Variants in HACE1 observed in about 807,000 individuals in gnomAD.
HACE1 encodes HECT domain and ankyrin repeat containing E3 ubiquitin protein ligase 1, also known as E3 ubiquitin-protein ligase HACE1.
HACE1 carries 73 observed loss-of-function variants against 118.4 expected under a neutral mutation model. The ratio of observed to expected loss-of-function variants is 0.62; its 90% CI spans 0.51 to 0.75. HACE1 has a LOEUF of 0.75. HACE1 is among the 30% of genes least tolerant of loss of function. HACE1 has a pLI of 0.00. For synonymous variants in HACE1, 368 were observed against 374.8 expected (o/e 0.98, Z 0.21); for missense variants, 749 against 1,102.2 (o/e 0.68, Z 4.54).
In HACE1 at chr6:104,734,998, T is replaced by C. The variant is rs138558454; in HGVS notation, c.2514-4582A>G. 2.5e-3 allele frequency among the ~76,000 whole-genome samples: 374 copies of C among 152,106 alleles called. 1 individual carries two copies. The highest frequency in any genetic ancestry group is 8.7e-3 in the African/African-American group (362 of 41,510). ...GGTCCGGATGGTTTAAAAATTGGAA[T>C]GTAAAAACAGAAATTATAAAAACTT... On this transcript the variant is annotated intron_variant, in intron 22 of 23. Coordinates refer to ENST00000262903, the MANE Select transcript of HACE1 (RefSeq NM_020771.4).
intron 3 of HACE1, 137 bp from the exon 4 acceptor site, chr6:104,849,383 C>T: frequency 1.4e-6 from 1 of 696,162 alleles, no homozygotes; most frequent in South Asian, 1.5e-5. Context: ...GTCGCCCATG[C>T]TGGAGTGCAG....
Position 104,815,436 on chromosome 6 carries a change from CAA to C in HACE1, c.535-4045_535-4044del, listed in dbSNP as rs1380186233. Among the ~76,000 whole-genome samples, 15 of 135,252 alleles carry C rather than the reference CAA, an allele frequency of 1.1e-4. 3 individuals are homozygous for C. The highest frequency in any genetic ancestry group is 1.5e-4 in the Admixed American group (2 of 13,746). 88.7% of individuals were successfully genotyped at this position (135,252 alleles called of 152,430 possible). The stretch of plus-strand genomic sequence containing the variant: ...AGGCTGGAGTGTAATGGCATGATCT[CAA>C]CTCACTGCAACCTCCACCTCCCAGG... On this transcript the variant is annotated intron_variant, in intron 6 of 23. Coordinates refer to ENST00000262903, the MANE Select transcript of HACE1 (RefSeq NM_020771.4).
chr6:104,836,129 C>A (rs1249437500), intron 5 of HACE1, among the ~76,000 whole-genome samples: 2 of 152,036 alleles, frequency 1.3e-5, no homozygotes, highest in East Asian at 3.9e-4. Context: ...AACAAGAGAA[C>A]CCAAAGCAAG....
intron 8 of HACE1, 86 bp from the exon 9 acceptor site, chr6:104,796,842 T>TGAA: frequency 9.3e-7 from 1 of 1,072,366 alleles, no homozygotes; most frequent in Non-Finnish European, 1.4e-6. Flanking sequence ...TCTTTGCACC[T>TGAA]ACCCTTTCAT....
Position 104,833,022 on chromosome 6 carries a change from G to C in HACE1, c.534+20C>G, listed in dbSNP as rs778475252. 6.2e-7 allele frequency: 1 copy of C among 1,608,342 alleles called. No individual in the cohort carries two copies. Among genetic ancestry groups the C allele is most frequent in the Non-Finnish European group, 8.5e-7 (1 of 1,174,784 alleles). Reference sequence around the variant, plus strand: ...AAAAAACAAACACATGCAGCTTAAAGTCCTCATGGCTCAACTTACCGTCTT... The same window carrying C: ...AAAAAACAAACACATGCAGCTTAAACTCCTCATGGCTCAACTTACCGTCTT... On this transcript the variant is annotated intron_variant, in intron 6 of 23. Coordinates refer to ENST00000262903, the MANE Select transcript of HACE1 (RefSeq NM_020771.4).
rs878908369 is a variant in HACE1, at chr6:104,784,548, T to A, written c.1410-63A>T. ...AAGTTTGTGATATAATATAGCGAAC[T>A]TGATAAATATATACTGAACTGGACT... is the stretch of plus-strand genomic sequence containing the variant. On this transcript the variant is annotated intron_variant, in intron 12 of 23. Transcript: ENST00000262903. The A allele has an allele frequency of 6.1e-5, 67 of 1,099,350 alleles. 1 individual carries two copies. The South Asian group carries it at 7.6e-4, about 13-fold the overall frequency. 68.1% of individuals were successfully genotyped at this position (1,099,350 alleles called of 1,614,324 possible).
chr6:104,785,231 A>C lies in HACE1; in HGVS notation c.1163T>G (p.Ile388Ser). ...LMKNKRDSTE[I>S]TSILLKQKGQ... is the part of the protein sequence containing the mutation. ...TTTTTGTTTCAGTAAAATAGAAGTG[A>C]TCTCTGTTGAGTCTCTTTTGTTTTT... The change falls in exon 12 of 24, where the codon ATC becomes AGC. Residue 388 changes from isoleucine (I) to serine (S), a missense_variant. Around this residue, in one of 5 missense-constraint regions of HACE1, gnomAD observed 267 missense variants for 312.2 expected, o/e 0.86. Transcript: ENST00000262903. 1 of 1,612,446 alleles carries C rather than the reference A, an allele frequency of 6.2e-7. No homozygotes were observed. The highest frequency in any genetic ancestry group is 8.5e-7 in the Non-Finnish European group (1 of 1,178,494).
chr6:104,735,682 A>C (rs1207755650), intron 22 of HACE1, among the ~76,000 whole-genome samples: 1 of 152,182 alleles, frequency 6.6e-6, no homozygotes, highest in South Asian at 2.1e-4. Flanking sequence ...AAAGGAGTAC[A>C]TTCTCTCATT....
At chr6:104,761,117 T>C (rs1779310174) in intron 19 of HACE1, among the ~76,000 whole-genome samples, 1 of 152,134 alleles carries the variant, frequency 6.6e-6, no homozygotes, top group Non-Finnish European at 1.5e-5. Flanking sequence ...AAAATGGCCT[T>C]ACTGCCCAAA....
chr6:104,831,984 A>AGAAGAGAAGAGG (rs201781305), intron 6 of HACE1, among the ~76,000 whole-genome samples: 5,613 of 58,510 alleles, frequency 0.096, 352 homozygotes, highest in Non-Finnish European at 0.12. Flanking sequence ...AGAAGAGAGG[A>AGAAGAGAAGAGG]AGGAAGGAAG....
intron 4 of HACE1, among the ~76,000 whole-genome samples, chr6:104,846,831 G>C (rs2115192224): frequency 6.6e-6 from 1 of 152,278 alleles, no homozygotes; most frequent in East Asian, 1.9e-4. Context: ...GCACCTCTAA[G>C]TTGTACAAGG....
chr6:104,770,030 G>C (rs565747162), intron 19 of HACE1, among the ~76,000 whole-genome samples: 1 of 152,146 alleles, frequency 6.6e-6, no homozygotes, highest in African/African-American at 2.4e-5. Context: ...CTGTATGGGA[G>C]GTATTATTAT....
chr6:104,845,189 A>G (rs894712189), intron 4 of HACE1, among the ~76,000 whole-genome samples: 1 of 152,028 alleles, frequency 6.6e-6, no homozygotes, highest in African/African-American at 2.4e-5. Flanking sequence ...ATTACTATTT[A>G]TTCAACTAGA....
intron 19 of HACE1, among the ~76,000 whole-genome samples, chr6:104,761,105 T>C (rs1388761327): frequency 6.6e-6 from 1 of 152,106 alleles, no homozygotes; most frequent in Non-Finnish European, 1.5e-5. Context: ...AGCAATATCA[T>C]AAAAATGGCC....
chr6:104,859,804 T>TC lies in HACE1; in HGVS notation c.-163dup, dbSNP rs1489799394. ...GGGCTGCCTGGGGCCACGTCCTGCGTCCGGGGGCCGGGCTGCTGCCGGACC... is the reference window on the plus strand; with the variant it reads ...GGGCTGCCTGGGGCCACGTCCTGCGTCCCGGGGGCCGGGCTGCTGCCGGACC... On this transcript the variant is annotated 5_prime_UTR_variant, in exon 1 of 24. Coordinates refer to ENST00000262903, the MANE Select transcript of HACE1 (RefSeq NM_020771.4). 7 of 624,072 alleles carry TC rather than the reference T, an allele frequency of 1.1e-5. No individual in the cohort carries two copies. In the African/African-American group the frequency reaches 1.4e-4, roughly 12 times the overall value. The allele number at this position is 624,072 out of a possible 1,614,324, so 38.7% of individuals were successfully genotyped here.
chr6:104,782,735 A>G (rs1781872273), intron 14 of HACE1, among the ~76,000 whole-genome samples: 1 of 152,212 alleles, frequency 6.6e-6, no homozygotes, highest in Non-Finnish European at 1.5e-5. Context: ...TCACATTATC[A>G]TTATTAAACA....
At chr6:104,835,278 G>C (rs554127806) in intron 5 of HACE1, among the ~76,000 whole-genome samples, 57 of 152,138 alleles carry the variant, frequency 3.7e-4, no homozygotes, top group African/African-American at 1.3e-3. Context: ...TCTGATAAAC[G>C]CATCTAATTT....
At chr6:104,759,196 G>C (rs1041116047) in intron 19 of HACE1, among the ~76,000 whole-genome samples, 1 of 152,164 alleles carries the variant, frequency 6.6e-6, no homozygotes, top group African/African-American at 2.4e-5. Context: ...GGACAAAGCA[G>C]ACCTAATAGA....
chr6:104,788,779 C>T (rs1209448231), intron 11 of HACE1, among the ~76,000 whole-genome samples: 1 of 152,044 alleles, frequency 6.6e-6, no homozygotes, highest in African/African-American at 2.4e-5. Flanking sequence ...CCAAATTTCC[C>T]AAGGCACTAG....
Sources: gnomAD v4.1 joint callset for allele counts (sites outside exome capture counted in the v4.1 genomes callset) on GRCh38, gnomAD v4.1.1 for gene constraint, gnomAD v4.1.1 regional missense constraint, MANE v1.5 for transcripts, NCBI Gene and HGNC (gene_info 2026-07-23, HGNC 2026-07-21) for gene names.